The following SLC13A2 variants were observed in gnomAD, a reference collection of about 807,000 sequenced individuals.
The protein encoded by SLC13A2 is solute carrier family 13 member 2, also known as Na(+)-coupled citrate transporter.
In SLC13A2, 40 loss-of-function variants were observed where a neutral mutation model predicts 58.5. The observed-to-expected ratio is 0.68, with a 90% CI of 0.53 to 0.89. The LOEUF is 0.89. Among genes scored for constraint, SLC13A2 ranks in the 40% least tolerant of loss-of-function variants. The probability of loss-of-function intolerance (pLI) is 0.00; values close to 1 mark genes in which losing one functional copy is unlikely to be tolerated. For missense variants in SLC13A2, 694 were observed against 772.6 expected (o/e 0.90, Z 1.21); for synonymous variants, 341 against 331.6 (o/e 1.03, Z -0.31).
intron 9 of SLC13A2, 71 bp from the exon 10 acceptor site, chr17:28,495,584 T>C (rs1175621146): frequency 1.3e-6 from 2 of 1,492,494 alleles, no homozygotes; most frequent in South Asian, 1.2e-5. Context: ...AGGAGCCTCA[T>C]AGAGCCTCGG....
At position 28,489,199 on chromosome 17, in the gene SLC13A2, C is replaced by T. The variant is rs2068950442; in HGVS notation, c.103-15C>T. ...AGGCCCTCTGACAGCTCTGCCGCTTCTCTCCCACCTGCAGGAGGCCTACTG... is the reference window on the plus strand; with the variant it reads ...AGGCCCTCTGACAGCTCTGCCGCTTTTCTCCCACCTGCAGGAGGCCTACTG... On this transcript the variant is annotated splice_polypyrimidine_tract_variant and intron_variant, in intron 1 of 11. Transcript: ENST00000314669. The T allele has an allele frequency of 1.2e-6, 2 of 1,612,302 alleles. No individual in the cohort carries two copies. Among genetic ancestry groups the T allele is most frequent in the East Asian group, 4.5e-5 (2 of 44,860 alleles).
intron 9 of SLC13A2, 67 bp from the exon 10 acceptor site, chr17:28,495,588 G>A: frequency 6.6e-7 from 1 of 1,519,526 alleles, no homozygotes; most frequent in Non-Finnish European, 8.9e-7. Context: ...GCCTCATAGA[G>A]CCTCGGCAGA....
intron 2 of SLC13A2, among the ~76,000 whole-genome samples, chr17:28,490,009 C>T (rs1445611470): frequency 6.6e-6 from 1 of 152,212 alleles, no homozygotes; most frequent in Non-Finnish European, 1.5e-5. Context: ...TGTGGTGGCT[C>T]ATGCCTGTAA....
intron 1 of SLC13A2, among the ~76,000 whole-genome samples, chr17:28,478,351 G>A (rs782713294): frequency 5.9e-5 from 9 of 152,222 alleles, no homozygotes; most frequent in Non-Finnish European, 1.2e-4. Context: ...CTTGCTCTGT[G>A]TCAGGGGTTA....
At chr17:28,482,191 TTTTGTTTGTTTG>T (rs530553446) in intron 1 of SLC13A2, among the ~76,000 whole-genome samples, 5 of 151,708 alleles carry the variant, frequency 3.3e-5, no homozygotes, top group East Asian at 1.9e-4. Context: ...AGCTAAGTTT[TTTTGTTTGTTTG>T]TTTGTTTGTT....
Position 28,495,738 on chromosome 17 carries a change from C to T in SLC13A2, c.1392C>T (p.Ser464=). 6.2e-7 allele frequency: 1 copy of T among 1,613,382 alleles called. No homozygotes were observed. ...CTCCAGCCATTGCCATCATCCTCTC[C>T]CTCCTGGTGGCCACCTTCACCGAGT... ...VPAPAIAIIL[S]LLVATFTECT... Residue 464 remains serine (S), a synonymous_variant, in exon 10 of 12, where the codon TCC becomes TCT. Coordinates refer to ENST00000314669, the MANE Select transcript of SLC13A2 (RefSeq NM_003984.4).
chr17:28,495,316 A>AG (rs1281473700), intron 9 of SLC13A2, among the ~76,000 whole-genome samples: 2 of 152,118 alleles, frequency 1.3e-5, no homozygotes, highest in Non-Finnish European at 2.9e-5. Context: ...GGGCAGGAAG[A>AG]GGGCTAAGGT....
At chr17:28,481,511 A>G (rs553314341) in intron 1 of SLC13A2, among the ~76,000 whole-genome samples, 52 of 152,308 alleles carry the variant, frequency 3.4e-4, no homozygotes, top group African/African-American at 1.2e-3. Context: ...GCGGCTAACT[A>G]GAAGCAGCAC....
chr17:28,478,196 C>G (rs2151444281), intron 1 of SLC13A2, among the ~76,000 whole-genome samples: 1 of 152,362 alleles, frequency 6.6e-6, no homozygotes, highest in South Asian at 2.1e-4. Context: ...GAACTGGAAC[C>G]TGGTGTTGGA....
chr17:28,491,546 C>G lies in SLC13A2; in HGVS notation c.684C>G (p.Ser228=). 2 of 1,613,766 alleles carry G rather than the reference C, an allele frequency of 1.2e-6. No individual in the cohort carries two copies. Among genetic ancestry groups the G allele is most frequent in the Non-Finnish European group, 1.7e-6 (2 of 1,180,046 alleles). ...GCATGAGCCTGTGCGTGTGCTACTC[C>G]GCCAGCATCGGGGGCATCGCCACGC... The part of the protein sequence containing the change: ...TQCMSLCVCY[S]ASIGGIATLT... Residue 228 remains serine (S), a synonymous_variant, in exon 5 of 12, where the codon TCC becomes TCG. Coordinates refer to ENST00000314669, the MANE Select transcript of SLC13A2 (RefSeq NM_003984.4).
chr17:28,477,360 AT>A (rs541840743), intron 1 of SLC13A2, among the ~76,000 whole-genome samples: 2,712 of 151,128 alleles, frequency 0.018, 63 homozygotes, highest in African/African-American at 0.051. Context: ...CGCCCGGCTA[AT>A]TTTTTTGTAT....
In SLC13A2 at chr17:28,497,722, C is replaced by A. The variant is rs1315267656; in HGVS notation, c.*453C>A. ...GTGGCCTGGGAGGAGGGCCTGCCAGCAGCTGCCACGGGAACAGCCTCTGGG... is the reference window on the plus strand; with the variant it reads ...GTGGCCTGGGAGGAGGGCCTGCCAGAAGCTGCCACGGGAACAGCCTCTGGG... On this transcript the variant is annotated 3_prime_UTR_variant, in exon 12 of 12. Coordinates refer to ENST00000314669, the MANE Select transcript of SLC13A2 (RefSeq NM_003984.4). 1 of 159,564 alleles carries A rather than the reference C, an allele frequency of 6.3e-6. No homozygotes were observed. The highest frequency in any genetic ancestry group is 1.4e-5 in the Non-Finnish European group (1 of 72,900). 9.9% of individuals were successfully genotyped at this position (159,564 alleles called of 1,614,324 possible). A position where few individuals can be genotyped will look rare whatever the true frequency, so the allele number is the denominator to read the frequency against.
intron 1 of SLC13A2, among the ~76,000 whole-genome samples, chr17:28,474,828 C>A (rs545572125): frequency 6.6e-6 from 1 of 152,118 alleles, no homozygotes; most frequent in African/African-American, 2.4e-5. Context: ...TTCTCTCCAC[C>A]CTGCTGCCTC....
chr17:28,490,433 A>G (rs782213885), intron 2 of SLC13A2, 21 bp from the exon 3 acceptor site: 1 of 1,614,120 alleles, frequency 6.2e-7, no homozygotes, highest in South Asian at 1.1e-5. Context: ...CCCGCCGCTC[A>G]GCCATGTCTC....
chr17:28,490,215 A>G, intron 2 of SLC13A2: 1 of 1,239,166 alleles, frequency 8.1e-7, no homozygotes, highest in Admixed American at 2.6e-5. Context: ...TGGAGGTTGC[A>G]GTGAGCTGTG....
intron 6 of SLC13A2, among the ~76,000 whole-genome samples, chr17:28,493,268 A>C (rs1047223341): frequency 1.3e-5 from 2 of 152,274 alleles, no homozygotes; most frequent in Middle Eastern, 3.4e-3. Flanking sequence ...CAGGGCAGGA[A>C]GAAGTCCCAG....
chr17:28,487,450 TA>T, intron 1 of SLC13A2: 1 of 724,892 alleles, frequency 1.4e-6, no homozygotes, highest in Non-Finnish European at 1.7e-6. Flanking sequence ...TGAGAGCAAA[TA>T]AATGCAACTT....
intron 11 of SLC13A2, 34 bp from the exon 12 acceptor site, chr17:28,497,065 C>G (rs782218807): frequency 1.2e-6 from 2 of 1,604,786 alleles, no homozygotes; most frequent in Non-Finnish European, 1.7e-6. Flanking sequence ...CCAGCCCAGT[C>G]CCTGCTTAGC....
In SLC13A2 at chr17:28,491,433, C is replaced by T. The variant is rs1555603372; in HGVS notation, c.575-4C>T. ...CCCCCACCTGGGCTCTCCCTTGTTC[C>T]CAGATAATGGGCAGGCCCTCCCTGT... On this transcript the variant is annotated splice_region_variant and splice_polypyrimidine_tract_variant and intron_variant, in intron 4 of 11. Transcript: ENST00000314669. The T allele has an allele frequency of 6.2e-7, 1 of 1,613,384 alleles. No individual in the cohort carries two copies. Among genetic ancestry groups the T allele is most frequent in the Admixed American group, 1.7e-5 (1 of 60,012 alleles).
Sources: gnomAD v4.1 joint callset for allele counts (sites outside exome capture counted in the v4.1 genomes callset) on GRCh38, gnomAD v4.1.1 for gene constraint, MANE v1.5 for transcripts, NCBI Gene and HGNC (gene_info 2026-07-23, HGNC 2026-07-21) for gene names.